Variants in FBXL13 observed in about 807,000 individuals in gnomAD.
FBXL13 encodes F-box and leucine rich repeat protein 13.
FBXL13 carries 67 observed loss-of-function variants against 83.6 expected under a neutral mutation model. That is an observed-to-expected ratio of 0.80 (90% CI 0.66 to 0.98). The LOEUF (loss-of-function observed/expected upper bound fraction) is 0.98. FBXL13 is among the 50% of genes least tolerant of loss of function. The pLI, the probability that FBXL13 is intolerant of heterozygous loss-of-function variation, is 0.00. For synonymous variants in FBXL13, 272 were observed against 299.5 expected, an observed-to-expected ratio of 0.91 and a Z score of 0.95; for missense variants, 822 against 866.5, an observed-to-expected ratio of 0.95 and a Z score of 0.64.
In FBXL13 at chr7:102,963,730, CAAT is replaced by C. The variant is rs1296193682; in HGVS notation, c.592-68_592-66del. ...TCCCCAAAAACAATTGCAACAAAAA[CAAT>C]AATAGACAAATGTGACCTAATTAAA... On this transcript the variant is annotated intron_variant, in intron 7 of 19. Coordinates refer to ENST00000313221, the Ensembl canonical transcript of FBXL13. The C allele has an allele frequency of 6.1e-6, 9 of 1,475,926 alleles. No individual in the cohort carries two copies. In the East Asian group the frequency reaches 1.4e-4, roughly 23 times the overall value. 91.4% of individuals were successfully genotyped at this position (1,475,926 alleles called of 1,614,324 possible).
intron 2 of FBXL13, among the ~76,000 whole-genome samples, chr7:103,034,480 C>T (rs1037714172): frequency 1.2e-4 from 18 of 152,336 alleles, no homozygotes; most frequent in South Asian, 2.1e-4. Flanking sequence ...CCAGTGGGGC[C>T]GGCTGGCCGC....
chr7:102,964,075 C>G (rs996288816), intron 7 of FBXL13, among the ~76,000 whole-genome samples: 6 of 152,080 alleles, frequency 3.9e-5, no homozygotes, highest in African/African-American at 1.4e-4. Flanking sequence ...CCTTGGGAGG[C>G]CAAAGCGGGC....
chr7:103,014,938 A>G (rs1271017534), intron 6 of FBXL13, among the ~76,000 whole-genome samples: 2 of 150,848 alleles, frequency 1.3e-5, no homozygotes, highest in Non-Finnish European at 3.0e-5. Flanking sequence ...AAAAAAAAAA[A>G]AAAAAAAAAG....
chr7:103,017,009 G>A (rs1172897143), intron 6 of FBXL13, among the ~76,000 whole-genome samples: 2 of 152,240 alleles, frequency 1.3e-5, no homozygotes, highest in African/African-American at 4.8e-5. Context: ...TGAGATCTGA[G>A]AACAGACAGA....
At chr7:102,813,949 T>C (rs1797650482) in intron 19 of FBXL13, among the ~76,000 whole-genome samples, 1 of 152,078 alleles carries the variant, frequency 6.6e-6, no homozygotes, top group African/African-American at 2.4e-5. Context: ...ACAGATCCCT[T>C]TTGACTACAT....
intron 11 of FBXL13, among the ~76,000 whole-genome samples, chr7:102,912,682 C>G (rs867702524): frequency 7.5e-5 from 10 of 132,724 alleles, no homozygotes; most frequent in South Asian, 2.5e-4. Flanking sequence ...CCCCCCCCCC[C>G]CCAAAAAAAA....
intron 2 of FBXL13, chr7:103,030,250 G>C (rs942085796): frequency 3.9e-5 from 6 of 152,098 alleles, no homozygotes; most frequent in Non-Finnish European, 7.4e-5. Flanking sequence ...TAAATTAACA[G>C]ATATGGCATA....
intron 2 of FBXL13, among the ~76,000 whole-genome samples, chr7:103,048,630 C>T (rs1796517231): frequency 6.6e-6 from 1 of 152,174 alleles, no homozygotes; most frequent in Non-Finnish European, 1.5e-5. Flanking sequence ...TAACCCTTTA[C>T]CAATTTTTAT....
intron 1 of FBXL13, among the ~76,000 whole-genome samples, chr7:103,058,087 C>T (rs796752499): frequency 9.2e-5 from 14 of 152,268 alleles, no homozygotes; most frequent in African/African-American, 3.4e-4. Context: ...CATACTGTTC[C>T]TCCAAAACTA....
intron 17 of FBXL13, 98 bp from the exon 19 acceptor site, chr7:102,833,072 A>G: frequency 3.8e-6 from 5 of 1,310,726 alleles, no homozygotes; most frequent in Non-Finnish European, 5.2e-6. Context: ...AGTCCCTGAA[A>G]TACAGATGTT....
intron 18 of FBXL13, among the ~76,000 whole-genome samples, chr7:102,825,287 T>C (rs1799432225): frequency 6.6e-6 from 1 of 152,194 alleles, no homozygotes; most frequent in South Asian, 2.1e-4. Context: ...ATGAAGGCTC[T>C]GCTCTCATCA....
intron 9 of FBXL13, among the ~76,000 whole-genome samples, chr7:102,930,061 G>A (rs1377287312): frequency 6.6e-6 from 1 of 151,996 alleles, no homozygotes; most frequent in Non-Finnish European, 1.5e-5. Flanking sequence ...TTAGGCAGAT[G>A]GAAAAACAAG....
chr7:103,007,218 T>C (rs954044159), intron 6 of FBXL13, among the ~76,000 whole-genome samples: 1 of 151,940 alleles, frequency 6.6e-6, no homozygotes, highest in Non-Finnish European at 1.5e-5. Flanking sequence ...GCTAAAAATA[T>C]AAACCCACAG....
In FBXL13 at chr7:102,826,048, A is replaced by AT. The variant is rs199982647; in HGVS notation, c.1855-3846dup. Among the ~76,000 whole-genome samples the AT allele has an allele frequency of 1.0e-2, 1,515 of 151,654 alleles. 8 individuals carry two copies. Among genetic ancestry groups the AT allele is most frequent in the Non-Finnish European group, 0.014 (979 of 67,886 alleles). ...ATCTCCTTTGCCATTAATATATGTG[A>AT]TTTTTTTTTAGTAGGACCTCTTTAT... On this transcript the variant is annotated intron_variant, in intron 18 of 19. Transcript: ENST00000313221.
At chr7:102,834,141 A>AGAAAGAAAG (rs1801406493) in intron 17 of FBXL13, among the ~76,000 whole-genome samples, 1 of 140,528 alleles carries the variant, frequency 7.1e-6, no homozygotes, top group African/African-American at 2.9e-5. Context: ...AAAGAAAGAA[A>AGAAAGAAAG]AGAGAAGACA....
At chr7:102,888,429 C>T (rs1811084781) in intron 11 of FBXL13, among the ~76,000 whole-genome samples, 1 of 152,214 alleles carries the variant, frequency 6.6e-6, no homozygotes, top group African/African-American at 2.4e-5. Flanking sequence ...GTCCCAGCTA[C>T]TCAGGAGGCT....
intron 6 of FBXL13, among the ~76,000 whole-genome samples, chr7:102,987,610 A>C (rs1442963400): frequency 6.6e-6 from 1 of 152,246 alleles, no homozygotes; most frequent in Non-Finnish European, 1.5e-5. Flanking sequence ...AAGCCTCACT[A>C]TATGGCAAAA....
intron 6 of FBXL13, among the ~76,000 whole-genome samples, chr7:102,972,268 A>G (rs986414711): frequency 1.3e-5 from 2 of 152,198 alleles, no homozygotes; most frequent in African/African-American, 4.8e-5. Context: ...CTAGATAATA[A>G]TAACACTCTA....
intron 18 of FBXL13, 35 bp downstream of exon 19, chr7:102,832,805 A>G: frequency 6.2e-7 from 1 of 1,612,780 alleles, no homozygotes; most frequent in South Asian, 1.1e-5. Flanking sequence ...CAGTGCTTAA[A>G]TTGGATGTGT....
Sources: allele counts gnomAD v4.1 joint callset (sites outside exome capture counted in the v4.1 genomes callset), GRCh38; gene constraint gnomAD v4.1.1; transcripts MANE v1.5; gene names NCBI Gene and HGNC (gene_info 2026-07-23, HGNC 2026-07-21).